Variants in EPB41L5 observed in about 807,000 individuals in gnomAD.
EPB41L5 encodes the protein band 4.1-like protein 5.
A neutral mutation model predicts 106.6 loss-of-function variants in EPB41L5; 55 were observed. The observed-to-expected ratio is 0.52, with a 90% CI of 0.42 to 0.65. The LOEUF (loss-of-function observed/expected upper bound fraction) is 0.65. Ranked by LOEUF, EPB41L5 falls within the 30% of genes least tolerant of loss-of-function variation. The probability of loss-of-function intolerance (pLI) is 0.00; values close to 1 mark genes in which losing one functional copy is unlikely to be tolerated. For missense variants in EPB41L5, 871 were observed against 882.1 expected (o/e 0.99, Z 0.16); for synonymous variants, 297 against 306.7 (o/e 0.97, Z 0.33).
chr2:120,054,343 CT>C (rs1047191938), intron 3 of EPB41L5, among the ~76,000 whole-genome samples: 1 of 152,138 alleles, frequency 6.6e-6, no homozygotes, highest in African/African-American at 2.4e-5. Context: ...CTTTTTTCCC[CT>C]ACTTTTCACT....
At chr2:120,123,955 G>A (rs1685345756) in intron 16 of EPB41L5, among the ~76,000 whole-genome samples, 1 of 152,082 alleles carries the variant, frequency 6.6e-6, no homozygotes, top group Non-Finnish European at 1.5e-5. Context: ...ACTGCACCTG[G>A]CCTGTTTGTT....
intron 20 of EPB41L5, among the ~76,000 whole-genome samples, chr2:120,160,129 C>T (rs1324081413): frequency 6.6e-6 from 1 of 152,162 alleles, no homozygotes; most frequent in Non-Finnish European, 1.5e-5. Context: ...AGGCTTAATA[C>T]CTGGCTGACA....
intron 18 of EPB41L5, among the ~76,000 whole-genome samples, chr2:120,134,801 C>T (rs191835869): frequency 2.0e-5 from 3 of 152,180 alleles, no homozygotes; most frequent in African/African-American, 7.2e-5. Flanking sequence ...ACATTCAGTT[C>T]CCTTTGAATA....
chr2:120,074,107 AC>A lies in EPB41L5; in HGVS notation c.339del (p.Tyr114IlefsTer21). On this transcript the variant is annotated frameshift_variant, in exon 5 of 25. Coordinates refer to ENST00000263713, the MANE Select transcript of EPB41L5 (RefSeq NM_020909.4). LOFTEE classifies it high-confidence loss of function. Reference protein sequence around the residue: ...SIKKQVKIGSPYCLHLRVKFY... With the variant: ...SIKKQVKIGSXYCLHLRVKFY... ...TTTTTTTTTAAATGACAGTTGGTTC[AC>A]CCTATTGTCTGCATCTTCGAGTTAA... The A allele has an allele frequency of 6.2e-7, 1 of 1,608,090 alleles. No individual in the cohort carries two copies. The highest frequency in any genetic ancestry group is 8.5e-7 in the Non-Finnish European group (1 of 1,177,384).
intron 3 of EPB41L5, among the ~76,000 whole-genome samples, chr2:120,065,661 C>T (rs1479997569): frequency 2.0e-5 from 3 of 151,752 alleles, no homozygotes; most frequent in East Asian, 1.9e-4. Flanking sequence ...GGATTACAGG[C>T]GCCTGCCACC....
rs70949387 is a variant in EPB41L5, at chr2:120,163,980, C to CTTTTTTTTTTTTTTTTT, written c.1888-852_1888-836dup. ...ACTTTTTTTTATTTTTTTGTATTTA[C>CTTTTTTTTTTTTTTTTT]TTTTTTTTTTTTTTTTTTTTGAGAT... On this transcript the variant is annotated intron_variant, in intron 21 of 24. Coordinates refer to ENST00000263713, the MANE Select transcript of EPB41L5 (RefSeq NM_020909.4). 1.3e-4 allele frequency among the ~76,000 whole-genome samples: 9 copies of CTTTTTTTTTTTTTTTTT among 68,150 alleles called. 2 individuals are homozygous for CTTTTTTTTTTTTTTTTT. The highest frequency in any genetic ancestry group is 2.3e-4 in the Admixed American group (1 of 4,328). The allele number at this position is 68,150 out of a possible 152,430, so 44.7% of individuals were successfully genotyped here.
chr2:120,095,260 C>T (rs1683669255), intron 14 of EPB41L5, among the ~76,000 whole-genome samples: 1 of 152,034 alleles, frequency 6.6e-6, no homozygotes, highest in Non-Finnish European at 1.5e-5. Context: ...TCCTTTTTAT[C>T]TCTAGTAACT....
intron 19 of EPB41L5, among the ~76,000 whole-genome samples, chr2:120,143,949 G>A (rs1346263097): frequency 1.3e-5 from 2 of 152,084 alleles, no homozygotes; most frequent in East Asian, 3.8e-4. Context: ...GTATAAAATA[G>A]GATAATGGTA....
At chr2:120,159,220 C>G (rs967526511) in intron 20 of EPB41L5, among the ~76,000 whole-genome samples, 1 of 149,112 alleles carries the variant, frequency 6.7e-6, no homozygotes, top group Non-Finnish European at 1.5e-5. Flanking sequence ...GTCAGGAGAT[C>G]GAGATCATCC....
intron 16 of EPB41L5, among the ~76,000 whole-genome samples, chr2:120,108,688 G>A (rs1364641872): frequency 6.6e-6 from 1 of 152,078 alleles, no homozygotes; most frequent in Non-Finnish European, 1.5e-5. Context: ...ACAGAGAAGA[G>A]TTTCTTATTA....
At chr2:120,098,873 A>C (rs1021611460) in intron 14 of EPB41L5, among the ~76,000 whole-genome samples, 4 of 152,230 alleles carry the variant, frequency 2.6e-5, no homozygotes, top group African/African-American at 9.6e-5. Context: ...TGGATCCTCT[A>C]TTCAGAGGTT....
intron 1 of EPB41L5, 161 bp downstream of exon 1, chr2:120,013,371 C>G (rs999420765): frequency 6.6e-6 from 1 of 152,172 alleles, no homozygotes; most frequent in East Asian, 2.0e-4. Context: ...CTCGTCGGGC[C>G]GGCAGGGCAT....
chr2:120,104,393 C>A, intron 16 of EPB41L5: 1 of 1,389,680 alleles, frequency 7.2e-7, no homozygotes, highest in South Asian at 1.8e-5. Flanking sequence ...TGAATTCTTC[C>A]ATGAAAGGGA....
At chr2:120,025,809 T>C (rs924179066) in intron 2 of EPB41L5, among the ~76,000 whole-genome samples, 1 of 152,242 alleles carries the variant, frequency 6.6e-6, no homozygotes, top group South Asian at 2.1e-4. Context: ...CTTAAGATAT[T>C]GTAAGGAACT....
Position 120,143,133 on chromosome 2 carries a change from T to G in EPB41L5, c.1728+2T>G. 1 of 1,583,462 alleles carries G rather than the reference T, an allele frequency of 6.3e-7. No homozygotes were observed. ...GCTCAAGTAGAAGCAGTGCATAAGG[T>G]AAGCTGCCTTTGATAGATAGCCCTG... is the stretch of plus-strand genomic sequence containing the variant. On this transcript the variant is annotated splice_donor_variant, in intron 19 of 24. Transcript: ENST00000263713. LOFTEE classifies it high-confidence loss of function.
intron 19 of EPB41L5, among the ~76,000 whole-genome samples, chr2:120,145,091 C>T (rs1037935710): frequency 6.6e-6 from 1 of 152,166 alleles, no homozygotes; most frequent in African/African-American, 2.4e-5. Context: ...ACTGACCATC[C>T]CTGTGCTGGT....
At chr2:120,049,957 A>C (rs1200898278) in intron 3 of EPB41L5, among the ~76,000 whole-genome samples, 1 of 152,172 alleles carries the variant, frequency 6.6e-6, no homozygotes, top group Non-Finnish European at 1.5e-5. Context: ...TTCTGGGTTG[A>C]AAATTCTTTT....
rs1250338695 is a variant in EPB41L5 at position 120,027,648 on chromosome 2, AC to A, written c.180+8386del. ...TTGAACTCTTAGGCTCAAGTGATGCACCACTCACCTCAGCCTCCCAAGTAGC... is the reference window on the plus strand; with the variant it reads ...TTGAACTCTTAGGCTCAAGTGATGCACACTCACCTCAGCCTCCCAAGTAGC... On this transcript the variant is annotated intron_variant, in intron 2 of 24. Transcript: ENST00000263713. Among the ~76,000 whole-genome samples, 6 of 152,080 alleles carry A rather than the reference AC, an allele frequency of 3.9e-5. No homozygotes were observed. The South Asian group carries it at 1.2e-3, about 32-fold the overall frequency.
At chr2:120,062,702 A>C (rs748444905) in intron 3 of EPB41L5, among the ~76,000 whole-genome samples, 50 of 152,144 alleles carry the variant, frequency 3.3e-4, no homozygotes, top group Non-Finnish European at 7.2e-4. Context: ...ATGTAGATCT[A>C]ATTCATTTTA....
Sources: gnomAD v4.1 joint callset for allele counts (sites outside exome capture counted in the v4.1 genomes callset) on GRCh38, gnomAD v4.1.1 for gene constraint, MANE v1.5 for transcripts, NCBI Gene and HGNC (gene_info 2026-07-23, HGNC 2026-07-21) for gene names.